The following EYS variants were observed in gnomAD, a reference collection of about 807,000 sequenced individuals.
The protein encoded by EYS is EGF-like photoreceptor maintenance factor, also known as protein eyes shut homolog.
EYS carries 250 observed loss-of-function variants against 282.1 expected under a neutral mutation model. That is an observed-to-expected ratio of 0.89 (90% CI 0.80 to 0.98). The LOEUF is 0.98. Ranked by LOEUF, EYS falls within the 50% of genes least tolerant of loss-of-function variation. The pLI is 0.00. For missense variants in EYS, 4,016 were observed against 3,709.0 expected (o/e 1.08, Z -2.15); for synonymous variants, 1,355 against 1,282.9 (o/e 1.06, Z -1.20).
At chr6:64,527,025 G>C (rs756368750) in intron 26 of EYS, among the ~76,000 whole-genome samples, 5 of 151,730 alleles carry the variant, frequency 3.3e-5, no homozygotes, top group Non-Finnish European at 7.4e-5. Flanking sequence ...AGAATATTTA[G>C]TAATCCTTTG....
rs532337906 is a variant in EYS, at chr6:65,361,931, T to A, written c.1300-8314A>T. 2.0e-5 allele frequency among the ~76,000 whole-genome samples: 3 copies of A among 152,312 alleles called. No individual in the cohort carries two copies. The East Asian group carries it at 5.8e-4, about 29-fold the overall frequency. ...ATTGAGCAAATACTGGAATTTTTCA[T>A]GATTGTGAAGAAATGTACACTATTC... On this transcript the variant is annotated intron_variant, in intron 8 of 42. Coordinates refer to ENST00000503581, the MANE Select transcript of EYS (RefSeq NM_001142800.2).
intron 13 of EYS, among the ~76,000 whole-genome samples, chr6:65,033,993 C>G (rs529094323): frequency 3.3e-5 from 5 of 152,118 alleles, no homozygotes; most frequent in East Asian, 3.9e-4. Context: ...GAAAACACAC[C>G]GTTTGGGTTC....
intron 30 of EYS, among the ~76,000 whole-genome samples, chr6:64,296,449 T>C (rs1009978622): frequency 6.6e-6 from 1 of 151,600 alleles, no homozygotes; most frequent in Admixed American, 6.6e-5. Context: ...CTTATGAGTT[T>C]ATCATTTTAT....
chr6:64,163,263 T>C (rs1021458755), intron 31 of EYS, among the ~76,000 whole-genome samples: 5 of 152,128 alleles, frequency 3.3e-5, no homozygotes, highest in Non-Finnish European at 5.9e-5. Context: ...TTATTTTTTC[T>C]TCTAATCTTC....
At chr6:64,959,185 T>C (rs1374554641) in intron 14 of EYS, among the ~76,000 whole-genome samples, 1 of 152,148 alleles carries the variant, frequency 6.6e-6, no homozygotes, top group East Asian at 1.9e-4. Flanking sequence ...TGAGCTACAA[T>C]TTCGAATATC....
intron 33 of EYS, among the ~76,000 whole-genome samples, chr6:64,038,530 T>C (rs957688424): frequency 2.0e-5 from 3 of 151,812 alleles, no homozygotes; most frequent in East Asian, 3.9e-4. Context: ...ACATTCCTAA[T>C]TGACTATCAA....
chr6:65,332,279 G>T (rs575923834), intron 11 of EYS: 2 of 688,258 alleles, frequency 2.9e-6, no homozygotes, highest in Admixed American at 4.2e-5. Flanking sequence ...TTATTCTATT[G>T]ATACATTAAA....
chr6:64,307,009 G>T lies in EYS; in HGVS notation c.6152C>A (p.Pro2051Gln). ...IEINNWRSFI[P>Q]SKAVKNYHIN... ...GTGATAGTTTTTCACTGCCTTGGAT[G>T]GAATGAAAGATCTCCAGTTATTTAT... Residue 2051 changes from proline (P) to glutamine (Q), a missense_variant, in exon 30 of 43, where the codon CCA becomes CAA. Transcript: ENST00000503581. 1 of 1,543,958 alleles carries T rather than the reference G, an allele frequency of 6.5e-7. No individual in the cohort carries two copies. The highest frequency in any genetic ancestry group is 8.8e-7 in the Non-Finnish European group (1 of 1,141,256).
intron 22 of EYS, among the ~76,000 whole-genome samples, chr6:64,691,732 G>T (rs540228263): frequency 6.6e-6 from 1 of 152,108 alleles, no homozygotes; most frequent in South Asian, 2.1e-4. Context: ...GCTCCCTTTT[G>T]TAAGTGAGAA....
At chr6:65,699,919 C>A (rs1769598706) in intron 1 of EYS, among the ~76,000 whole-genome samples, 1 of 151,326 alleles carries the variant, frequency 6.6e-6, no homozygotes, top group Non-Finnish European at 1.5e-5. Flanking sequence ...TCGAGACCAT[C>A]CTGGCTAACA....
chr6:65,150,336 T>A (rs79608991), intron 12 of EYS, among the ~76,000 whole-genome samples: 2,856 of 151,840 alleles, frequency 0.019, 71 homozygotes, highest in African/African-American at 0.065. Flanking sequence ...GGAGTTTTAA[T>A]ACTCTTTTCA....
At chr6:63,865,131 C>T (rs1286547528) in intron 35 of EYS, among the ~76,000 whole-genome samples, 1 of 152,186 alleles carries the variant, frequency 6.6e-6, no homozygotes, top group East Asian at 1.9e-4. Flanking sequence ...GTGTATAGTG[C>T]AGGGTGGATA....
intron 29 of EYS, among the ~76,000 whole-genome samples, chr6:64,308,571 A>G (rs1769545974): frequency 6.6e-6 from 1 of 152,100 alleles, no homozygotes. Flanking sequence ...TGAAAAATAT[A>G]TTAGTTATCT....
chr6:65,226,640 G>T (rs1447749547), intron 12 of EYS, among the ~76,000 whole-genome samples: 1 of 152,150 alleles, frequency 6.6e-6, no homozygotes, highest in Non-Finnish European at 1.5e-5. Context: ...CATTGAGGCT[G>T]TGGAAACATT....
At chr6:65,388,906 A>G (rs1159940326) in intron 7 of EYS, among the ~76,000 whole-genome samples, 1 of 152,038 alleles carries the variant, frequency 6.6e-6, no homozygotes, top group Non-Finnish European at 1.5e-5. Flanking sequence ...TAGAGCCAAT[A>G]TATTTGTTCT....
At chr6:65,380,973 C>T (rs1160094268) in intron 8 of EYS, among the ~76,000 whole-genome samples, 3 of 152,026 alleles carry the variant, frequency 2.0e-5, no homozygotes, top group African/African-American at 7.2e-5. Context: ...ATAATAGATG[C>T]TGGCGAGGAT....
chr6:65,526,404 G>A (rs1767565450), intron 2 of EYS, among the ~76,000 whole-genome samples: 1 of 152,144 alleles, frequency 6.6e-6, no homozygotes. Flanking sequence ...CTTAAAAGAT[G>A]CCATCACTCT....
intron 5 of EYS, among the ~76,000 whole-genome samples, chr6:65,435,975 C>T (rs186475260): frequency 2.6e-3 from 390 of 152,190 alleles, no homozygotes; most frequent in African/African-American, 9.0e-3. Flanking sequence ...TTCTAGTCTC[C>T]GGAAATGTGA....
intron 26 of EYS, among the ~76,000 whole-genome samples, chr6:64,498,822 T>G (rs1032283628): frequency 6.6e-6 from 1 of 152,220 alleles, no homozygotes; most frequent in African/African-American, 2.4e-5. Context: ...TTGCATAGTA[T>G]TCCATGTGTA....
Sources: allele counts gnomAD v4.1 joint callset (sites outside exome capture counted in the v4.1 genomes callset), GRCh38; gene constraint gnomAD v4.1.1; transcripts MANE v1.5; gene names NCBI Gene and HGNC (gene_info 2026-07-23, HGNC 2026-07-21).